BLMH: variants seen among roughly 807,000 people sequenced by gnomAD.
The protein encoded by BLMH is bleomycin hydrolase.
BLMH carries 32 observed loss-of-function variants against 61.6 expected under a neutral mutation model. The observed-to-expected ratio is 0.52, with a 90% CI of 0.39 to 0.70. The LOEUF (loss-of-function observed/expected upper bound fraction) is 0.70, where lower values mean the gene tolerates loss of function less well. BLMH is among the 30% of genes least tolerant of loss of function. BLMH has a pLI of 0.00. For missense variants in BLMH, 460 were observed against 555.5 expected (o/e 0.83, Z 1.73); for synonymous variants, 183 against 193.8 (o/e 0.94, Z 0.46).
At position 30,291,872 on chromosome 17, in the gene BLMH, G is replaced by C; in HGVS notation, c.-53C>G. 2.3e-6 allele frequency: 3 copies of C among 1,279,714 alleles called. No homozygotes were observed. Among genetic ancestry groups the C allele is most frequent in the Non-Finnish European group, 3.0e-6 (3 of 1,016,816 alleles). 79.3% of individuals were successfully genotyped at this position (1,279,714 alleles called of 1,614,324 possible). On this transcript the variant is annotated 5_prime_UTR_variant, in exon 1 of 12. Coordinates refer to ENST00000261714, the MANE Select transcript of BLMH (RefSeq NM_000386.4). ...GGTAGCTTCCAGGGTCCTTGGGCGA[G>C]CGCCGGGATTGCGCTGCGGCTCGCT...
Position 30,287,921 on chromosome 17 carries a change from A to C in BLMH, c.348T>G (p.Ser116Arg). 1 of 1,614,014 alleles carries C rather than the reference A, an allele frequency of 6.2e-7. No homozygotes were observed. Among genetic ancestry groups the C allele is most frequent in the Non-Finnish European group, 8.5e-7 (1 of 1,179,916 alleles). ...TTCTCTGGGCTGTGTCCACAAAAGC[A>C]CTCAAGAAGAAATAACAGCGTTCAA... ...DKVERCYFFL[S>R]AFVDTAQRKE... Residue 116 changes from serine to arginine, a missense_variant, in exon 4 of 12, where the codon AGT (serine) becomes AGG (arginine). Around this residue, in one of 5 missense-constraint regions of BLMH, gnomAD observed 43 missense variants for 38.8 expected, o/e 1.11. Transcript: ENST00000261714.
intron 11 of BLMH, among the ~76,000 whole-genome samples, chr17:30,256,306 T>A (rs1907813204): frequency 6.6e-6 from 1 of 152,190 alleles, no homozygotes; most frequent in Admixed American, 6.6e-5. Context: ...TCTAATTTAG[T>A]TTATATTTTC....
chr17:30,265,029 C>T (rs33980254), intron 11 of BLMH, among the ~76,000 whole-genome samples: 43,960 of 151,972 alleles, frequency 0.29, 6,773 homozygotes, highest in Admixed American at 0.33. Context: ...TATTCTAATT[C>T]GTAGTAGTTA....
chr17:30,288,177 C>T (rs767594305), intron 3 of BLMH: 14 of 399,458 alleles, frequency 3.5e-5, no homozygotes, highest in Admixed American at 8.3e-5. Flanking sequence ...GAAACAAGCA[C>T]CATAATAAGT....
Position 30,291,331 on chromosome 17 carries a change from A to C in BLMH, c.191T>G (p.Ile64Ser). Reference sequence around the variant, plus strand: ...CACACCTGAGCTCTTCTGGTTGGTGATTGGCTTGCCCTCCTGGGGCACGGC... The same window carrying C: ...CACACCTGAGCTCTTCTGGTTGGTGCTTGGCTTGCCCTCCTGGGGCACGGC... ...QHAVPQEGKP[I>S]TNQKSSGRCW... The change falls in exon 2 of 12, where the codon ATC becomes AGC. Residue 64 changes from isoleucine (I) to serine (S), a missense_variant. By Grantham distance (142) the Ile-to-Ser change is moderately radical. Around this residue, in one of 5 missense-constraint regions of BLMH, gnomAD observed 86 missense variants for 84.5 expected, o/e 1.02. Coordinates refer to ENST00000261714, the MANE Select transcript of BLMH (RefSeq NM_000386.4). 6.2e-7 allele frequency: 1 copy of C among 1,612,812 alleles called. No homozygotes were observed. The highest frequency in any genetic ancestry group is 8.5e-7 in the Non-Finnish European group (1 of 1,179,930).
At chr17:30,282,829 T>C (rs1287092320) in intron 6 of BLMH, among the ~76,000 whole-genome samples, 3 of 152,218 alleles carry the variant, frequency 2.0e-5, no homozygotes, top group Non-Finnish European at 2.9e-5. Flanking sequence ...TCAGGTTCAA[T>C]GAAAAGAAGT....
chr17:30,274,222 G>A (rs371345449), intron 6 of BLMH, 25 bp from the exon 7 acceptor site: 44 of 1,609,156 alleles, frequency 2.7e-5, no homozygotes, highest in Non-Finnish European at 3.5e-5. Flanking sequence ...GAGGAAAGGC[G>A]AGCAATGGTT....
chr17:30,291,230 A>C (rs764573053), intron 2 of BLMH, 81 bp downstream of exon 2: 1 of 1,511,546 alleles, frequency 6.6e-7, no homozygotes, highest in Non-Finnish European at 9.0e-7. Context: ...GTACGAATTT[A>C]AGACCACTCT....
chr17:30,266,151 A>G (rs1908099666), intron 11 of BLMH, among the ~76,000 whole-genome samples: 1 of 152,182 alleles, frequency 6.6e-6, no homozygotes, highest in African/African-American at 2.4e-5. Context: ...AGTCTCTAAT[A>G]AATGCCTAAA....
At chr17:30,287,256 G>A (rs1908758807) in intron 4 of BLMH, among the ~76,000 whole-genome samples, 1 of 152,044 alleles carries the variant, frequency 6.6e-6, no homozygotes, top group Admixed American at 6.6e-5. Flanking sequence ...TGAGCTCCTG[G>A]GCTTGAGCAA....
chr17:30,287,082 G>C (rs1373404449), intron 4 of BLMH, among the ~76,000 whole-genome samples, 180 bp from the exon 5 acceptor site: 2 of 152,070 alleles, frequency 1.3e-5, no homozygotes, highest in Admixed American at 6.6e-5. Context: ...GTTTTGCTCT[G>C]TCACTCAGGC....
intron 6 of BLMH, among the ~76,000 whole-genome samples, chr17:30,277,438 C>T (rs1290098087): frequency 2.0e-5 from 3 of 152,232 alleles, no homozygotes; most frequent in Non-Finnish European, 4.4e-5. Flanking sequence ...TGAAGGTGTA[C>T]AGTCAGAACA....
At chr17:30,263,291 T>C (rs1256806861) in intron 11 of BLMH, among the ~76,000 whole-genome samples, 1 of 152,254 alleles carries the variant, frequency 6.6e-6, no homozygotes, top group Non-Finnish European at 1.5e-5. Flanking sequence ...GATGAATTTC[T>C]GACTAATAAC....
intron 6 of BLMH, among the ~76,000 whole-genome samples, chr17:30,280,070 C>A (rs1362123933): frequency 6.6e-6 from 1 of 152,082 alleles, no homozygotes; most frequent in African/African-American, 2.4e-5. Context: ...AGCGTGAGAA[C>A]CTTCAACAGT....
Position 30,291,338 on chromosome 17 carries a change from T to TG in BLMH, c.183dup (p.Lys62GlnfsTer32), listed in dbSNP as rs1567840994. The TG allele has an allele frequency of 1.2e-6, 2 of 1,613,192 alleles. No homozygotes were observed. The highest frequency in any genetic ancestry group is 8.5e-7 in the Non-Finnish European group (1 of 1,179,968). ...GAGCTCTTCTGGTTGGTGATTGGCT[T>TG]GCCCTCCTGGGGCACGGCGTGCTGG... On this transcript the variant is annotated frameshift_variant, in exon 2 of 12. Coordinates refer to ENST00000261714, the MANE Select transcript of BLMH (RefSeq NM_000386.4). LOFTEE classifies it high-confidence loss of function.
intron 11 of BLMH, 83 bp from the exon 12 acceptor site, chr17:30,249,251 C>T: frequency 7.2e-7 from 1 of 1,386,584 alleles, no homozygotes; most frequent in Non-Finnish European, 9.9e-7. Context: ...AAACCTTTTA[C>T]AAAACTAATA....
Position 30,287,960 on chromosome 17 carries a change from G to T in BLMH, c.322-13C>A. The T allele has an allele frequency of 6.2e-7, 1 of 1,601,904 alleles. No individual in the cohort carries two copies. On this transcript the variant is annotated splice_polypyrimidine_tract_variant and intron_variant, in intron 3 of 11. Transcript: ENST00000261714. ...AACAGCGTTCAACCTAAAGAGTAAA[G>T]AAAGTTAAATAACATTAAAAGAAAA... is the stretch of plus-strand genomic sequence containing the variant.
intron 6 of BLMH, among the ~76,000 whole-genome samples, chr17:30,284,753 C>G (rs1424781319): frequency 6.6e-6 from 1 of 152,204 alleles, no homozygotes; most frequent in Non-Finnish European, 1.5e-5. Flanking sequence ...GGCATCGATC[C>G]AACATCCCTT....
chr17:30,257,385 C>T (rs565278824), intron 11 of BLMH, among the ~76,000 whole-genome samples: 6 of 152,124 alleles, frequency 3.9e-5, no homozygotes, highest in African/African-American at 1.2e-4. Flanking sequence ...GCAGAGCAGA[C>T]GACCTAGTGT....
Sources: allele counts gnomAD v4.1 joint callset (sites outside exome capture counted in the v4.1 genomes callset), GRCh38; gene constraint gnomAD v4.1.1; regional missense constraint gnomAD v4.1.1; transcripts MANE v1.5; gene names NCBI Gene and HGNC (gene_info 2026-07-23, HGNC 2026-07-21).